PSD3: variants seen among roughly 807,000 people sequenced by gnomAD.
PSD3 encodes PH and SEC7 domain-containing protein 3.
In PSD3, 49 loss-of-function variants were observed where a neutral mutation model predicts 105.5. The ratio of observed to expected loss-of-function variants is 0.46; its 90% CI spans 0.37 to 0.59. The LOEUF is 0.59. PSD3 is among the 20% of genes least tolerant of loss of function. The pLI, the probability that PSD3 is intolerant of heterozygous loss-of-function variation, is 0.00. For synonymous variants in PSD3, 557 were observed against 457.8 expected, an observed-to-expected ratio of 1.22 and a Z score of -2.77; for missense variants, 1,561 against 1,263.8, an observed-to-expected ratio of 1.24 and a Z score of -3.57.
chr8:18,834,402 A>C (rs901743812), intron 4 of PSD3, among the ~76,000 whole-genome samples: 1 of 152,228 alleles, frequency 6.6e-6, no homozygotes, highest in Non-Finnish European at 1.5e-5. Flanking sequence ...ACAACAAATC[A>C]AAAAATCGGC....
intron 9 of PSD3, among the ~76,000 whole-genome samples, chr8:18,756,378 CT>C (rs1806045845): frequency 6.6e-6 from 1 of 152,106 alleles, no homozygotes; most frequent in African/African-American, 2.4e-5. Flanking sequence ...TTGTGTAGTC[CT>C]TTGGGAATAA....
chr8:18,809,486 TA>T (rs1230089673), intron 4 of PSD3, among the ~76,000 whole-genome samples: 1 of 152,148 alleles, frequency 6.6e-6, no homozygotes, highest in African/African-American at 2.4e-5. Context: ...ATTTTCCAAA[TA>T]AAAATAGGGT....
chr8:18,640,740 G>A (rs1346015467), intron 10 of PSD3, among the ~76,000 whole-genome samples: 2 of 152,172 alleles, frequency 1.3e-5, no homozygotes, highest in Non-Finnish European at 2.9e-5. Flanking sequence ...CTGGAGGGAA[G>A]ATGGCAGAAG....
intron 11 of PSD3, among the ~76,000 whole-genome samples, chr8:18,600,950 G>C (rs1804397989): frequency 6.6e-6 from 1 of 152,148 alleles, no homozygotes; most frequent in Non-Finnish European, 1.5e-5. Context: ...AAGTTTAAAT[G>C]TTATTACTCC....
At chr8:18,831,829 G>T (rs1316472674) in intron 4 of PSD3, among the ~76,000 whole-genome samples, 1 of 151,984 alleles carries the variant, frequency 6.6e-6, no homozygotes, top group East Asian at 1.9e-4. Context: ...GCCAAAAAAG[G>T]ATTTGGTCTT....
chr8:18,686,854 C>T (rs893540336), intron 9 of PSD3, among the ~76,000 whole-genome samples: 4 of 152,142 alleles, frequency 2.6e-5, no homozygotes, highest in Non-Finnish European at 1.5e-5. Flanking sequence ...AACTCTGTTG[C>T]CCCATCCTGA....
chr8:18,734,915 G>T (rs1048421085), intron 9 of PSD3, among the ~76,000 whole-genome samples: 1 of 152,164 alleles, frequency 6.6e-6, no homozygotes, highest in Non-Finnish European at 1.5e-5. Flanking sequence ...AAAACGAACA[G>T]TCCTCATCTC....
At chr8:18,857,352 G>A (rs1269042328) in intron 4 of PSD3, among the ~76,000 whole-genome samples, 3 of 152,144 alleles carry the variant, frequency 2.0e-5, no homozygotes, top group Non-Finnish European at 2.9e-5. Flanking sequence ...GCTCGAGCAG[G>A]TCCAGGGTGG....
chr8:18,896,303 T>A (rs114764391), intron 2 of PSD3, among the ~76,000 whole-genome samples: 1 of 152,218 alleles, frequency 6.6e-6, no homozygotes, highest in African/African-American at 2.4e-5. Flanking sequence ...ATCTTCAACA[T>A]ACTGATTTCC....
chr8:18,634,296 T>A (rs867610360), intron 10 of PSD3, among the ~76,000 whole-genome samples: 2 of 151,934 alleles, frequency 1.3e-5, no homozygotes, highest in African/African-American at 4.8e-5. Context: ...TCAGTAATTG[T>A]GAGATAAGTG....
chr8:18,719,288 A>T (rs1802798808), intron 9 of PSD3, among the ~76,000 whole-genome samples: 1 of 152,194 alleles, frequency 6.6e-6, no homozygotes. Flanking sequence ...TCTGACCTTG[A>T]CTTTTTAACT....
intron 1 of PSD3, among the ~76,000 whole-genome samples, chr8:18,950,758 C>G (rs7815062): frequency 0.34 from 52,154 of 151,892 alleles, 9,160 homozygotes; most frequent in Middle Eastern, 0.53. Context: ...TAAAATTCCA[C>G]GACCCATTTG....
chr8:18,943,087 C>A (rs1419505143), intron 1 of PSD3, among the ~76,000 whole-genome samples: 1 of 152,174 alleles, frequency 6.6e-6, no homozygotes, highest in Non-Finnish European at 1.5e-5. Context: ...CAGCTGTGTA[C>A]ATGAGAATCC....
rs529984731 is a variant in PSD3 at position 18,897,943 on chromosome 8, C to G, written c.131-25210G>C. On this transcript the variant is annotated intron_variant, in intron 2 of 15. Coordinates refer to ENST00000327040, the MANE Select transcript of PSD3 (RefSeq NM_015310.4). The stretch of plus-strand genomic sequence containing the variant: ...GTTTTATTTATATAAGATCATTTAT[C>G]TGGCTAAAACTTCTAGTACTCCTGA... 1.8e-4 allele frequency among the ~76,000 whole-genome samples: 28 copies of G among 152,078 alleles called. No individual in the cohort carries two copies. The South Asian group carries it at 3.7e-3, about 20-fold the overall frequency.
chr8:19,033,811 GT>G (rs1010943109), intron 1 of PSD3, among the ~76,000 whole-genome samples: 4 of 152,002 alleles, frequency 2.6e-5, no homozygotes, highest in African/African-American at 9.7e-5. Context: ...GATTTTAGTG[GT>G]TTCTGTACAA....
At chr8:19,024,230 T>C (rs1035175473) in intron 1 of PSD3, among the ~76,000 whole-genome samples, 2 of 152,226 alleles carry the variant, frequency 1.3e-5, no homozygotes, top group African/African-American at 4.8e-5. Context: ...GCATTTCACT[T>C]ATAATCTTTT....
In PSD3 at chr8:18,936,060, C is replaced by G. The variant is rs374888737; in HGVS notation, c.104G>C (p.Arg35Thr). The G allele has an allele frequency of 1.9e-6, 3 of 1,612,770 alleles. No homozygotes were observed. Among genetic ancestry groups the G allele is most frequent in the Non-Finnish European group, 2.5e-6 (3 of 1,179,180 alleles). ...AGTATCTGGAGCTTTCCCTTCAGAT[C>G]TGCCAAATAAAAATTCATATTTGGC... ...AKAKYEFLFGRSEGKAPDTSD... is the reference protein window; with the variant it reads ...AKAKYEFLFGTSEGKAPDTSD... The change falls in exon 2 of 16, where the codon AGA becomes ACA. Residue 35 changes from arginine to threonine, a missense_variant. Physicochemically the swap from Arg to Thr is moderately conservative, Grantham distance 71 (BLOSUM62 -1). Coordinates refer to ENST00000327040, the MANE Select transcript of PSD3 (RefSeq NM_015310.4).
At chr8:18,556,987 T>C (rs1318141932) in intron 14 of PSD3, among the ~76,000 whole-genome samples, 3 of 152,194 alleles carry the variant, frequency 2.0e-5, no homozygotes, top group Non-Finnish European at 2.9e-5. Flanking sequence ...ATTTAGCAAT[T>C]ATTGCCTTAG....
intron 4 of PSD3, among the ~76,000 whole-genome samples, chr8:18,857,543 G>C (rs369098251): frequency 6.8e-4 from 103 of 152,334 alleles, no homozygotes; most frequent in African/African-American, 2.3e-3. Context: ...GAAGGCTGGA[G>C]ATGAGAAGCT....
Sources: gnomAD v4.1 joint callset for allele counts (sites outside exome capture counted in the v4.1 genomes callset) on GRCh38, gnomAD v4.1.1 for gene constraint, MANE v1.5 for transcripts, NCBI Gene and HGNC (gene_info 2026-07-23, HGNC 2026-07-21) for gene names.